BCKDHB: variants seen among roughly 807,000 people sequenced by gnomAD.
BCKDHB encodes 2-oxoisovalerate dehydrogenase subunit beta, mitochondrial.
BCKDHB carries 41 observed loss-of-function variants against 48.5 expected under a neutral mutation model. The ratio of observed to expected loss-of-function variants is 0.85; its 90% CI spans 0.66 to 1.10. The LOEUF (loss-of-function observed/expected upper bound fraction) is 1.10. Among genes scored for constraint, BCKDHB ranks in the 50% least tolerant of loss-of-function variants. BCKDHB has a pLI of 0.00. For missense variants in BCKDHB, 496 were observed against 494.2 expected (o/e 1.00, Z -0.03); for synonymous variants, 201 against 174.8 (o/e 1.15, Z -1.18).
At chr6:80,310,972 A>G (rs997372972) in intron 9 of BCKDHB, among the ~76,000 whole-genome samples, 5 of 151,910 alleles carry the variant, frequency 3.3e-5, no homozygotes, top group Non-Finnish European at 7.4e-5. Context: ...AAATTTGTTT[A>G]AGTTCCTTAT....
chr6:80,423,190 C>G, the BCKDHB span, among the ~76,000 whole-genome samples: 1 of 152,158 alleles, frequency 6.6e-6, no homozygotes, highest in Non-Finnish European at 1.5e-5. Context: ...CCTATGCTCT[C>G]TCTCTCTATC....
At chr6:80,246,519 C>A (rs1208971491) in intron 8 of BCKDHB, among the ~76,000 whole-genome samples, 2 of 152,174 alleles carry the variant, frequency 1.3e-5, no homozygotes, top group Admixed American at 1.3e-4. Flanking sequence ...ACTACAAAAG[C>A]CCTCCAGACC....
At chr6:80,403,233 G>T in the BCKDHB span, among the ~76,000 whole-genome samples, 1 of 151,714 alleles carries the variant, frequency 6.6e-6, no homozygotes, top group East Asian at 1.9e-4. Context: ...ATCTATGAAC[G>T]TGGGATATCT....
intron 8 of BCKDHB, among the ~76,000 whole-genome samples, chr6:80,253,692 G>T (rs1328351460): frequency 6.6e-6 from 1 of 151,988 alleles, no homozygotes; most frequent in Non-Finnish European, 1.5e-5. Flanking sequence ...TTTTTCCTTT[G>T]ATATAGTAGT....
chr6:80,182,697 A>G (rs1773467919), intron 6 of BCKDHB, among the ~76,000 whole-genome samples: 1 of 152,192 alleles, frequency 6.6e-6, no homozygotes. Flanking sequence ...ACTTCCATGT[A>G]AACAGATTTT....
chr6:80,461,611 C>T, the BCKDHB span, among the ~76,000 whole-genome samples: 2 of 152,120 alleles, frequency 1.3e-5, no homozygotes, highest in South Asian at 4.1e-4. Flanking sequence ...CCTGGATGCT[C>T]TGATTTCTTT....
rs143289475 is a variant in BCKDHB, at chr6:80,132,269, C to T, written c.343+3040C>T. Among the ~76,000 whole-genome samples the T allele has an allele frequency of 2.5e-3, 375 of 152,178 alleles. 3 individuals carry two copies. The highest frequency in any genetic ancestry group is 8.3e-3 in the African/African-American group (346 of 41,532). On this transcript the variant is annotated intron_variant, in intron 3 of 9. Coordinates refer to ENST00000320393, the MANE Select transcript of BCKDHB (RefSeq NM_183050.4). ...TCAGGCAGTTCTTTATCACTATTCA[C>T]GCTGCACCTTTTAAATCTTGAAAGT...
intron 1 of BCKDHB, among the ~76,000 whole-genome samples, chr6:80,126,082 A>G (rs1167337688): frequency 6.6e-6 from 1 of 152,198 alleles, no homozygotes; most frequent in African/African-American, 2.4e-5. Context: ...ATGATTGTAT[A>G]TCTTTTGCCA....
chr6:80,113,628 G>A lies in BCKDHB; in HGVS notation c.196+6739G>A, dbSNP rs571163445. Among the ~76,000 whole-genome samples the A allele has an allele frequency of 7.9e-5, 12 of 152,336 alleles. 1 individual carries two copies. The South Asian group carries it at 2.3e-3, about 29-fold the overall frequency. On this transcript the variant is annotated intron_variant, in intron 1 of 9. Coordinates refer to ENST00000320393, the MANE Select transcript of BCKDHB (RefSeq NM_183050.4). ...TCTCCAATTTTGGGCTTACCTCCTG[G>A]CTGGCTTTCCAAAATACGTTACTGG...
the BCKDHB span, among the ~76,000 whole-genome samples, chr6:80,385,616 C>T: frequency 6.6e-6 from 1 of 152,166 alleles, no homozygotes; most frequent in Non-Finnish European, 1.5e-5. Flanking sequence ...GATGGCCTCT[C>T]CTGAGGCCGT....
chr6:80,299,145 A>C (rs1767418683), intron 9 of BCKDHB, among the ~76,000 whole-genome samples: 1 of 152,150 alleles, frequency 6.6e-6, no homozygotes, highest in Non-Finnish European at 1.5e-5. Context: ...AGTTTGCTCA[A>C]GCATCCTTGC....
At chr6:80,190,346 T>G (rs1408167023) in intron 6 of BCKDHB, among the ~76,000 whole-genome samples, 6 of 152,210 alleles carry the variant, frequency 3.9e-5, no homozygotes, top group African/African-American at 1.4e-4. Flanking sequence ...TTTTCAAGAC[T>G]TAGGGAAAGG....
intron 3 of BCKDHB, among the ~76,000 whole-genome samples, chr6:80,134,743 T>TTTTA (rs369623862): frequency 0.016 from 2,445 of 151,174 alleles, 63 homozygotes; most frequent in African/African-American, 0.053. Flanking sequence ...TTTTGTTTTA[T>TTTTA]TTTATTTATT....
chr6:80,350,119 A>G (rs531231697), downstream of BCKDHB, among the ~76,000 whole-genome samples: 1 of 152,160 alleles, frequency 6.6e-6, no homozygotes, highest in African/African-American at 2.4e-5. Flanking sequence ...AACTACATGG[A>G]AATAAAAAAG....
Position 80,300,745 on chromosome 6 carries a change from C to T in BCKDHB, c.1038+27524C>T, listed in dbSNP as rs544965244. Among the ~76,000 whole-genome samples the T allele has an allele frequency of 3.9e-5, 6 of 152,228 alleles. 1 individual carries two copies. Among genetic ancestry groups the T allele is most frequent in the Admixed American group, 1.3e-4 (2 of 15,304 alleles). Reference sequence around the variant, plus strand: ...GTGGGACATAGATTCTAAGAGCAACCACATGCTCAGTCATAAGGCAAATCT... The same window carrying T: ...GTGGGACATAGATTCTAAGAGCAACTACATGCTCAGTCATAAGGCAAATCT... On this transcript the variant is annotated intron_variant, in intron 9 of 9. Transcript: ENST00000320393.
chr6:80,248,221 G>A (rs1381543968), intron 8 of BCKDHB, among the ~76,000 whole-genome samples: 1 of 152,104 alleles, frequency 6.6e-6, no homozygotes, highest in Non-Finnish European at 1.5e-5. Flanking sequence ...CAGTGTCCAA[G>A]GTCATCTGTT....
chr6:80,128,994 C>G (rs996663538), intron 2 of BCKDHB, among the ~76,000 whole-genome samples, 167 bp from the exon 3 acceptor site: 1 of 151,836 alleles, frequency 6.6e-6, no homozygotes, highest in Admixed American at 6.6e-5. Flanking sequence ...AAAGAATCAT[C>G]TAGTCTAAAA....
At chr6:80,187,564 AT>A (rs1416952317) in intron 6 of BCKDHB, among the ~76,000 whole-genome samples, 2 of 152,128 alleles carry the variant, frequency 1.3e-5, no homozygotes, top group Non-Finnish European at 2.9e-5. Flanking sequence ...GGGAGAAAAT[AT>A]TTGCAAACTA....
intron 8 of BCKDHB, among the ~76,000 whole-genome samples, chr6:80,272,762 A>G (rs1265201442): frequency 6.6e-6 from 1 of 152,196 alleles, no homozygotes; most frequent in Non-Finnish European, 1.5e-5. Context: ...AAACAAATGA[A>G]TAAAAAAAAC....
Sources: allele counts gnomAD v4.1 joint callset (sites outside exome capture counted in the v4.1 genomes callset), GRCh38; gene constraint gnomAD v4.1.1; transcripts MANE v1.5; gene names NCBI Gene and HGNC (gene_info 2026-07-23, HGNC 2026-07-21).